Variants in RB1 observed in about 807,000 individuals in gnomAD.
The protein encoded by RB1 is retinoblastoma-associated protein.
In RB1, 18 loss-of-function variants were observed where a neutral mutation model predicts 135.4. The observed-to-expected ratio is 0.13, with a 90% CI of 0.09 to 0.20. The LOEUF (loss-of-function observed/expected upper bound fraction) is 0.20, where lower values mean the gene tolerates loss of function less well. Ranked by LOEUF, RB1 falls within the 10% of genes least tolerant of loss-of-function variation. The probability of loss-of-function intolerance (pLI) is 1.00; values close to 1 mark genes in which losing one functional copy is unlikely to be tolerated. For synonymous variants in RB1, 365 were observed against 373.2 expected, an observed-to-expected ratio of 0.98 and a Z score of 0.25; for missense variants, 868 against 1,110.0, an observed-to-expected ratio of 0.78 and a Z score of 3.10.
rs998383878 is a variant in RB1 at position 48,319,982 on chromosome 13, C to T, written c.264+12576C>T. The T allele has an allele frequency of 5.0e-6, 2 of 397,138 alleles. No individual in the cohort carries two copies. Among genetic ancestry groups the T allele is most frequent in the South Asian group, 3.0e-5 (1 of 33,838 alleles). 24.6% of individuals were successfully genotyped at this position (397,138 alleles called of 1,614,324 possible). A position where few individuals can be genotyped will look rare whatever the true frequency, so the allele number is the denominator to read the frequency against. On this transcript the variant is annotated intron_variant, in intron 2 of 26. Transcript: ENST00000267163. This position sits in a 1 kb window ranked among gnomAD's most constrained non-coding sequence, Gnocchi z 5.0. ...GTGAGATAGTTCTGGCTTACATCTA[C>T]TGCCACTGCCTGCAGCCCTGGAAGG...
chr13:48,476,906 C>T lies in RB1; in HGVS notation c.2663+63C>T, dbSNP rs572456282. Reference sequence around the variant, plus strand: ...TGGTCATCTGGGGAATCCAGAGTCTCAGCACTGCTCCTGGCTTATACCAAT... The same window carrying T: ...TGGTCATCTGGGGAATCCAGAGTCTTAGCACTGCTCCTGGCTTATACCAAT... On this transcript the variant is annotated intron_variant, in intron 25 of 26. Coordinates refer to ENST00000267163, the MANE Select transcript of RB1 (RefSeq NM_000321.3). 3.2e-6 allele frequency: 5 copies of T among 1,580,086 alleles called. No homozygotes were observed. The South Asian group carries it at 4.4e-5, about 14-fold the overall frequency.
At position 48,335,411 on chromosome 13, in the gene RB1, A is replaced by G. The variant is rs148906452; in HGVS notation, c.265-7188A>G. 5.5e-3 allele frequency among the ~76,000 whole-genome samples: 844 copies of G among 152,146 alleles called. 5 individuals are homozygous for G. Among genetic ancestry groups the G allele is most frequent in the Middle Eastern group, 0.01 (3 of 294 alleles). On this transcript the variant is annotated intron_variant, in intron 2 of 26. Transcript: ENST00000267163. ...CATATCAAGTGTACACATTTATGGG[A>G]CATATGAAATGCCCTGATGCAAGCA...
intron 13 of RB1, among the ~76,000 whole-genome samples, chr13:48,378,651 A>G (rs1249892519): frequency 1.3e-5 from 2 of 152,114 alleles, no homozygotes. Flanking sequence ...TAAATACATA[A>G]ACCAGTAACA....
At position 48,481,587 on chromosome 13, in the gene RB1, C is replaced by T. The variant is rs1949538439; in HGVS notation, c.*1516C>T. The T allele has an allele frequency of 1.3e-5, 3 of 230,596 alleles. No homozygotes were observed. In the East Asian group the frequency reaches 1.9e-4, roughly 14 times the overall value. 14.3% of individuals were successfully genotyped at this position (230,596 alleles called of 1,614,324 possible). A position where few individuals can be genotyped will look rare whatever the true frequency, so the allele number is the denominator to read the frequency against. ...TTGACAGTTATTTTGATAACAATGA[C>T]ACTAGAAAACTTGACTCCATTTCAT... On this transcript the variant is annotated 3_prime_UTR_variant, in exon 27 of 27. Transcript: ENST00000267163.
At chr13:48,313,834 C>T (rs947497754) in intron 2 of RB1, among the ~76,000 whole-genome samples, 3 of 146,254 alleles carry the variant, frequency 2.1e-5, no homozygotes, top group Non-Finnish European at 3.0e-5. Context: ...CTGCAAGCTC[C>T]GCCTCCCGGG....
intron 17 of RB1, among the ~76,000 whole-genome samples, chr13:48,425,605 C>T (rs1949068553): frequency 6.6e-6 from 1 of 152,082 alleles, no homozygotes; most frequent in Non-Finnish European, 1.5e-5. Context: ...TGAGCCCCAC[C>T]TACTCAGGAG....
rs150760695 is a variant in RB1, at chr13:48,455,318, G to A, written c.1815-886G>A. On this transcript the variant is annotated intron_variant, in intron 18 of 26. Transcript: ENST00000267163. ...GTCTGAGATTCGAGTAGTTATATCC[G>A]GTAGGTAATTGGAGATTTACACCTA... Among the ~76,000 whole-genome samples the A allele has an allele frequency of 4.3e-4, 66 of 152,194 alleles. 1 individual carries two copies. Among genetic ancestry groups the A allele is most frequent in the African/African-American group, 1.6e-3 (66 of 41,512 alleles).
At chr13:48,434,086 A>T (rs1299654739) in intron 17 of RB1, among the ~76,000 whole-genome samples, 1 of 152,100 alleles carries the variant, frequency 6.6e-6, no homozygotes, top group Non-Finnish European at 1.5e-5. Flanking sequence ...TAAAATAAAT[A>T]ATTTCTCCAA....
intron 17 of RB1, chr13:48,411,349 A>G (rs1367857370): frequency 2.0e-6 from 3 of 1,491,922 alleles, no homozygotes; most frequent in Non-Finnish European, 2.8e-6. Flanking sequence ...AGTTGAAGGA[A>G]CTTGAAAGTT....
At chr13:48,425,264 T>C (rs577402644) in intron 17 of RB1, among the ~76,000 whole-genome samples, 1 of 152,286 alleles carries the variant, frequency 6.6e-6, no homozygotes, top group East Asian at 1.9e-4. Context: ...GGTAATAATG[T>C]CCCATTAATA....
chr13:48,449,823 A>C (rs182339542), intron 17 of RB1, among the ~76,000 whole-genome samples: 1 of 152,194 alleles, frequency 6.6e-6, no homozygotes, highest in Non-Finnish European at 1.5e-5. Flanking sequence ...TAATGTCTGC[A>C]TTCATTTGGC....
intron 24 of RB1, among the ~76,000 whole-genome samples, chr13:48,475,136 A>G (rs1473826720): frequency 1.3e-5 from 2 of 152,072 alleles, no homozygotes; most frequent in Non-Finnish European, 2.9e-5. Flanking sequence ...CTCCCAAAGA[A>G]CTGGGATTAC....
intron 17 of RB1, among the ~76,000 whole-genome samples, chr13:48,437,236 T>C (rs531702248): frequency 6.6e-6 from 1 of 152,336 alleles, no homozygotes; most frequent in South Asian, 2.1e-4. Context: ...GGCTGACAGT[T>C]AATTTGAGTA....
chr13:48,427,221 ATCT>A (rs1261444786), intron 17 of RB1, among the ~76,000 whole-genome samples: 2 of 104,416 alleles, frequency 1.9e-5, no homozygotes, highest in African/African-American at 3.8e-5. Flanking sequence ...AACACGAGTC[ATCT>A]TCTACCAAAC....
chr13:48,456,961 G>A (rs557938618), intron 19 of RB1, among the ~76,000 whole-genome samples: 9 of 152,312 alleles, frequency 5.9e-5, no homozygotes, highest in Admixed American at 1.3e-4. Context: ...TGGGCTCCCC[G>A]AAGGGCCGCA....
chr13:48,435,010 TA>T (rs983812563), intron 17 of RB1, among the ~76,000 whole-genome samples: 1 of 152,228 alleles, frequency 6.6e-6, no homozygotes, highest in African/African-American at 2.4e-5. Context: ...CTATCACAAA[TA>T]AAGCTGCTAT....
intron 2 of RB1, among the ~76,000 whole-genome samples, chr13:48,313,652 T>A (rs1952153250): frequency 6.6e-6 from 1 of 151,920 alleles, no homozygotes. Context: ...TTCATTGAAT[T>A]GTTTTGGTGC....
chr13:48,322,464 T>C (rs1363476239), intron 2 of RB1, among the ~76,000 whole-genome samples: 1 of 152,240 alleles, frequency 6.6e-6, no homozygotes, highest in South Asian at 2.1e-4. Flanking sequence ...TAAAATAATG[T>C]CATTTGCAAA....
At chr13:48,345,296 T>C (rs953677695) in intron 4 of RB1, 97 bp downstream of exon 4, 66 of 1,368,508 alleles carry the variant, frequency 4.8e-5, no homozygotes, top group Non-Finnish European at 6.5e-5. Context: ...GTAAAGTTAG[T>C]AAGTATTAAT....
Sources: gnomAD v4.1 joint callset for allele counts (sites outside exome capture counted in the v4.1 genomes callset) on GRCh38, gnomAD v4.1.1 for gene constraint, Gnocchi (gnomAD v3.1) non-coding constraint, MANE v1.5 for transcripts, NCBI Gene and HGNC (gene_info 2026-07-23, HGNC 2026-07-21) for gene names.